Variants in RSBN1 observed in about 807,000 individuals in gnomAD.
RSBN1 encodes round spermatid basic protein 1.
In RSBN1, 23 loss-of-function variants were observed where a neutral mutation model predicts 74.8. The observed-to-expected ratio is 0.31, with a 90% CI of 0.22 to 0.44. RSBN1 has a LOEUF of 0.44. Among genes scored for constraint, RSBN1 ranks in the 20% least tolerant of loss-of-function variants. The pLI, the probability that RSBN1 is intolerant of heterozygous loss-of-function variation, is 1.00. For synonymous variants in RSBN1, 407 were observed against 379.6 expected, an observed-to-expected ratio of 1.07 and a Z score of -0.84; for missense variants, 808 against 1,020.9, an observed-to-expected ratio of 0.79 and a Z score of 2.84.
At position 113,763,651 on chromosome 1, in the gene RSBN1, T is replaced by C. The variant is rs1659727588; in HGVS notation, c.*2329A>G. The C allele has an allele frequency of 6.5e-6, 1 of 152,794 alleles. No individual in the cohort carries two copies. Among genetic ancestry groups the C allele is most frequent in the East Asian group, 1.9e-4 (1 of 5,344 alleles). The allele number at this position is 152,794 out of a possible 1,614,324, so 9.5% of individuals were successfully genotyped here. A position where few individuals can be genotyped will look rare whatever the true frequency, so the allele number is the denominator to read the frequency against. ...ATGTTTCTCTTCATTCTATTGCAAT[T>C]CTAACATACAATGAATTTATTAGTA... On this transcript the variant is annotated 3_prime_UTR_variant, in exon 7 of 7. Coordinates refer to ENST00000261441, the MANE Select transcript of RSBN1 (RefSeq NM_018364.5).
At chr1:113,778,062 T>A (rs1056920415) in intron 2 of RSBN1, among the ~76,000 whole-genome samples, 1 of 152,174 alleles carries the variant, frequency 6.6e-6, no homozygotes, top group African/African-American at 2.4e-5. Flanking sequence ...AATATCTATT[T>A]AATACTTAAA....
In RSBN1 at chr1:113,766,239, T is replaced by C. The variant is rs1163644560; in HGVS notation, c.2150A>G (p.Asn717Ser). 5 of 1,614,026 alleles carry C rather than the reference T, an allele frequency of 3.1e-6. No individual in the cohort carries two copies. Among genetic ancestry groups the C allele is most frequent in the African/African-American group, 1.3e-5 (1 of 74,930 alleles). Residue 717 changes from asparagine to serine, a missense_variant, in exon 7 of 7, where the codon AAT (asparagine) becomes AGT (serine). Physicochemically the swap from Asn to Ser is conservative, Grantham distance 46 (BLOSUM62 1). Transcript: ENST00000261441. Reference sequence around the variant, plus strand: ...AGTTAAACCACAGTCCATGTTAGAATTGCTTTCTGTGTTTTGAGTGGCTTC... The same window carrying C: ...AGTTAAACCACAGTCCATGTTAGAACTGCTTTCTGTGTTTTGAGTGGCTTC... The part of the protein sequence containing the change: ...VVEATQNTES[N>S]SNMDCGLTGK...
intron 2 of RSBN1, among the ~76,000 whole-genome samples, chr1:113,779,519 A>G (rs954346202): frequency 5.9e-5 from 9 of 152,162 alleles, no homozygotes; most frequent in Non-Finnish European, 1.3e-4. Context: ...ATTACTTTCC[A>G]TAAGTTTGGT....
chr1:113,765,977 A>G lies in RSBN1; in HGVS notation c.*3T>C, dbSNP rs1365891751. On this transcript the variant is annotated 3_prime_UTR_variant, in exon 7 of 7. Coordinates refer to ENST00000261441, the MANE Select transcript of RSBN1 (RefSeq NM_018364.5). ...TTAAAAAATGTGTTTGAATATGTAC[A>G]TATCACACAGAAGTGGTTGAATGTT... The G allele has an allele frequency of 6.2e-7, 1 of 1,606,824 alleles. No individual in the cohort carries two copies. Among genetic ancestry groups the G allele is most frequent in the Non-Finnish European group, 8.5e-7 (1 of 1,173,964 alleles).
At position 113,812,419 on chromosome 1, in the gene RSBN1, A is replaced by G. The variant is rs1428730984; in HGVS notation, c.-7T>C. On this transcript the variant is annotated 5_prime_UTR_variant, in exon 1 of 7. Coordinates refer to ENST00000261441, the MANE Select transcript of RSBN1 (RefSeq NM_018364.5). ...TTCGTCCAGAGATGAACATGCCGGAAGCGGCCGTTCCCAGCTTTTCTCCGC... is the reference window on the plus strand; with the variant it reads ...TTCGTCCAGAGATGAACATGCCGGAGGCGGCCGTTCCCAGCTTTTCTCCGC... 8.8e-6 allele frequency: 14 copies of G among 1,587,018 alleles called. No homozygotes were observed. The highest frequency in any genetic ancestry group is 1.0e-5 in the Non-Finnish European group (12 of 1,172,970).
chr1:113,787,916 T>C (rs944897133), intron 2 of RSBN1, among the ~76,000 whole-genome samples: 1 of 151,998 alleles, frequency 6.6e-6, no homozygotes, highest in South Asian at 2.1e-4. Flanking sequence ...TGTTTCAATA[T>C]GAACAGATCA....
At chr1:113,774,428 A>C (rs1557995819) in intron 4 of RSBN1, among the ~76,000 whole-genome samples, 1 of 151,912 alleles carries the variant, frequency 6.6e-6, no homozygotes, top group Non-Finnish European at 1.5e-5. Context: ...TAATCCCAGC[A>C]CTTTGGGAGG....
At chr1:113,767,068 T>C in intron 6 of RSBN1, 31 bp downstream of exon 6, 1 of 1,258,636 alleles carries the variant, frequency 7.9e-7, no homozygotes, top group Admixed American at 1.9e-5. Flanking sequence ...ACTTCTAATA[T>C]CGCAAATGGT....
chr1:113,777,416 C>A, intron 3 of RSBN1, 64 bp from the exon 4 acceptor site: 2 of 1,500,724 alleles, frequency 1.3e-6, no homozygotes, highest in South Asian at 1.3e-5. Context: ...TTAATCCTCC[C>A]ACCCAAATAA....
intron 2 of RSBN1, among the ~76,000 whole-genome samples, chr1:113,793,372 T>C (rs1432928806): frequency 6.6e-6 from 1 of 152,244 alleles, no homozygotes; most frequent in African/African-American, 2.4e-5. Flanking sequence ...TTGATAAACC[T>C]ACCACTTTCC....
chr1:113,766,092 AGTTCTGATGCAGGT>A lies in RSBN1; in HGVS notation c.2283_2296del (p.Pro762Ter). ...AGTCTTCTGATCTTGCTGTAGATTA[AGTTCTGATGCAGGT>A]GGGAAAGATGATGAAGCAGTTGTTA... On this transcript the variant is annotated frameshift_variant, in exon 7 of 7. Coordinates refer to ENST00000261441, the MANE Select transcript of RSBN1 (RefSeq NM_018364.5). LOFTEE classifies it high-confidence loss of function. 1 of 1,614,100 alleles carries A rather than the reference AGTTCTGATGCAGGT, an allele frequency of 6.2e-7. No individual in the cohort carries two copies. The highest frequency in any genetic ancestry group is 1.1e-5 in the South Asian group (1 of 91,090).
chr1:113,801,126 C>T (rs867935846), intron 1 of RSBN1, among the ~76,000 whole-genome samples: 5 of 152,100 alleles, frequency 3.3e-5, no homozygotes, highest in South Asian at 2.1e-4. Flanking sequence ...GGATCACAGG[C>T]ATGTACCACC....
intron 1 of RSBN1, among the ~76,000 whole-genome samples, chr1:113,806,696 T>C (rs1258253893): frequency 6.6e-6 from 1 of 151,688 alleles, no homozygotes. Flanking sequence ...CTCTGTGAAG[T>C]ATCCCACTGA....
At chr1:113,808,450 C>A (rs1482041973) in intron 1 of RSBN1, among the ~76,000 whole-genome samples, 1 of 152,084 alleles carries the variant, frequency 6.6e-6, no homozygotes, top group Non-Finnish European at 1.5e-5. Context: ...TGATGTGGAA[C>A]CCATGGATAC....
intron 1 of RSBN1, 105 bp downstream of exon 1, chr1:113,811,605 C>G (rs1052743956): frequency 6.9e-7 from 1 of 1,450,638 alleles, no homozygotes; most frequent in African/African-American, 1.4e-5. Context: ...AGAAGTACAG[C>G]AGCAGAAGGT....
intron 1 of RSBN1, among the ~76,000 whole-genome samples, chr1:113,804,467 T>A (rs533706627): frequency 1.3e-5 from 2 of 152,228 alleles, no homozygotes; most frequent in African/African-American, 4.8e-5. Context: ...CCAAAACAAA[T>A]TCTTCTAACA....
chr1:113,782,683 C>T (rs1660161686), intron 2 of RSBN1, among the ~76,000 whole-genome samples: 1 of 152,170 alleles, frequency 6.6e-6, no homozygotes, highest in Admixed American at 6.5e-5. Context: ...ATTGCTTGGT[C>T]ATGTGGTCGT....
At chr1:113,775,165 C>T (rs1026804323) in intron 4 of RSBN1, among the ~76,000 whole-genome samples, 4 of 151,790 alleles carry the variant, frequency 2.6e-5, no homozygotes, top group African/African-American at 9.7e-5. Context: ...GCTGGGATAA[C>T]AGGCGGCTGC....
At chr1:113,769,382 C>G (rs145898666) in intron 4 of RSBN1, among the ~76,000 whole-genome samples, 200 of 151,932 alleles carry the variant, frequency 1.3e-3, no homozygotes, top group African/African-American at 4.5e-3. Flanking sequence ...AACCAGGCAT[C>G]CATGTTATCT....
Sources: gnomAD v4.1 joint callset for allele counts (sites outside exome capture counted in the v4.1 genomes callset) on GRCh38, gnomAD v4.1.1 for gene constraint, MANE v1.5 for transcripts, NCBI Gene and HGNC (gene_info 2026-07-23, HGNC 2026-07-21) for gene names.